KCNQ5: variants seen among roughly 807,000 people sequenced by gnomAD.
KCNQ5 encodes the protein potassium voltage-gated channel subfamily Q member 5.
Under a neutral mutation model 98.2 loss-of-function variants are expected in KCNQ5, and 30 were observed. The observed-to-expected ratio is 0.31, with a 90% CI of 0.23 to 0.41. The LOEUF is 0.41. Ranked by LOEUF, KCNQ5 falls within the 10% of genes least tolerant of loss-of-function variation. KCNQ5 has a pLI of 1.00. For missense variants in KCNQ5, 835 were observed against 1,182.5 expected (o/e 0.71, Z 4.31); for synonymous variants, 458 against 449.4 (o/e 1.02, Z -0.24).
chr6:72,846,695 G>A (rs1466899051), intron 1 of KCNQ5, among the ~76,000 whole-genome samples: 1 of 152,048 alleles, frequency 6.6e-6, no homozygotes, highest in Admixed American at 6.6e-5. Context: ...GGACTGCCCT[G>A]ACTGCTTATG....
intron 1 of KCNQ5, among the ~76,000 whole-genome samples, chr6:72,896,186 A>C (rs1252180965): frequency 2.0e-5 from 3 of 152,210 alleles, no homozygotes; most frequent in Non-Finnish European, 4.4e-5. Flanking sequence ...CTTGAAAAAT[A>C]CTTGAAAATA....
At chr6:72,835,114 A>C (rs1463510259) in intron 1 of KCNQ5, among the ~76,000 whole-genome samples, 3 of 152,064 alleles carry the variant, frequency 2.0e-5, no homozygotes, top group Non-Finnish European at 4.4e-5. Flanking sequence ...TTCTCCAGAC[A>C]CTGTAAGCAT....
chr6:72,860,896 A>G (rs1777739734), intron 1 of KCNQ5, among the ~76,000 whole-genome samples: 1 of 151,692 alleles, frequency 6.6e-6, no homozygotes, highest in South Asian at 2.1e-4. Context: ...GAATAGAGGA[A>G]GGGAAAGGAA....
chr6:72,713,197 T>G (rs1769457866), intron 1 of KCNQ5, among the ~76,000 whole-genome samples: 1 of 152,204 alleles, frequency 6.6e-6, no homozygotes, highest in Non-Finnish European at 1.5e-5. Flanking sequence ...CATCTCTGGC[T>G]GACTTTTAAG....
intron 1 of KCNQ5, among the ~76,000 whole-genome samples, chr6:72,793,565 C>A (rs1774172365): frequency 6.6e-6 from 1 of 152,160 alleles, no homozygotes; most frequent in Non-Finnish European, 1.5e-5. Context: ...GGGGAGTTGG[C>A]ATTTTGTATT....
At chr6:72,756,639 G>C (rs1193387682) in intron 1 of KCNQ5, among the ~76,000 whole-genome samples, 1 of 152,080 alleles carries the variant, frequency 6.6e-6, no homozygotes, top group Non-Finnish European at 1.5e-5. Context: ...AGAAAAAGCT[G>C]CTATAAATTT....
intron 1 of KCNQ5, among the ~76,000 whole-genome samples, chr6:72,786,131 G>T (rs1363824424): frequency 1.3e-5 from 2 of 152,120 alleles, no homozygotes; most frequent in Non-Finnish European, 2.9e-5. Context: ...AGTGAGATAT[G>T]TTATACTCTT....
intron 1 of KCNQ5, among the ~76,000 whole-genome samples, chr6:72,808,391 C>T (rs1775059748): frequency 1.3e-5 from 2 of 152,082 alleles, no homozygotes; most frequent in Non-Finnish European, 2.9e-5. Flanking sequence ...AAAGTGTCTA[C>T]ATCAACCAAA....
chr6:72,880,633 C>T (rs1778602375), intron 1 of KCNQ5, among the ~76,000 whole-genome samples: 1 of 152,172 alleles, frequency 6.6e-6, no homozygotes, highest in Non-Finnish European at 1.5e-5. Flanking sequence ...GCCTGAGAAT[C>T]TTAACCCTTT....
At chr6:72,794,727 C>T (rs1774241319) in intron 1 of KCNQ5, among the ~76,000 whole-genome samples, 1 of 151,804 alleles carries the variant, frequency 6.6e-6, no homozygotes, top group Non-Finnish European at 1.5e-5. Flanking sequence ...TTTTATTGAC[C>T]CGAATATTGC....
chr6:73,115,731 A>T (rs1242766648), intron 7 of KCNQ5, among the ~76,000 whole-genome samples: 1 of 152,250 alleles, frequency 6.6e-6, no homozygotes, highest in Non-Finnish European at 1.5e-5. Context: ...GATCTCAAAA[A>T]TTAATCTACC....
intron 1 of KCNQ5, among the ~76,000 whole-genome samples, chr6:72,818,133 A>G (rs1030051350): frequency 6.6e-6 from 1 of 152,208 alleles, no homozygotes; most frequent in Non-Finnish European, 1.5e-5. Context: ...TAGCCCTTTT[A>G]CATCATAAGA....
chr6:72,857,130 C>T (rs965841029), intron 1 of KCNQ5, among the ~76,000 whole-genome samples: 3 of 152,182 alleles, frequency 2.0e-5, no homozygotes, highest in Non-Finnish European at 4.4e-5. Context: ...GACTGCCTTT[C>T]CCAACAGAAA....
intron 2 of KCNQ5, among the ~76,000 whole-genome samples, chr6:73,013,036 A>G (rs1770156449): frequency 6.6e-6 from 1 of 152,094 alleles, no homozygotes; most frequent in African/African-American, 2.4e-5. Flanking sequence ...ACACAAGTAC[A>G]GGTGAACTGT....
rs754870865 is a variant in KCNQ5 at position 73,195,076 on chromosome 6, A to G, written c.2461A>G (p.Met821Val). Reference protein sequence around the residue: ...GGETLLSVCPMVPKDLGKSLS... With the variant: ...GGETLLSVCPVVPKDLGKSLS... ...AGAAACTCTGTTGTCTGTCTGTCCC[A>G]TGGTGCCGAAGGACTTGGGCAAATC... The change falls in exon 14 of 14, where the codon ATG becomes GTG. Residue 821 changes from methionine to valine, a missense_variant. Transcript: ENST00000370398. 15 of 1,614,220 alleles carry G rather than the reference A, an allele frequency of 9.3e-6. 1 individual carries two copies. The highest frequency in any genetic ancestry group is 1.0e-5 in the Non-Finnish European group (12 of 1,180,036).
At chr6:72,943,196 C>T (rs970474591) in intron 1 of KCNQ5, among the ~76,000 whole-genome samples, 3 of 152,178 alleles carry the variant, frequency 2.0e-5, no homozygotes, top group Admixed American at 1.3e-4. Flanking sequence ...CTTATACTGT[C>T]GCTGAAAGAT....
At position 73,055,657 on chromosome 6, in the gene KCNQ5, C is replaced by T. The variant is rs184648326; in HGVS notation, c.616+13595C>T. ...TGACTGCAGCCCATGGCAACAGCCT[C>T]TGGGGCACTGACAAGCATCTGAAGG... On this transcript the variant is annotated intron_variant, in intron 3 of 13. Transcript: ENST00000370398. 3.1e-4 allele frequency: 347 copies of T among 1,136,550 alleles called. 3 individuals are homozygous for T. The Admixed American group carries it at 5.9e-3, about 19-fold the overall frequency. The allele number at this position is 1,136,550 out of a possible 1,614,324, so 70.4% of individuals were successfully genotyped here.
At chr6:72,830,590 G>A (rs1333066947) in intron 1 of KCNQ5, among the ~76,000 whole-genome samples, 2 of 152,078 alleles carry the variant, frequency 1.3e-5, no homozygotes, top group Non-Finnish European at 2.9e-5. Context: ...AATTCAAGAT[G>A]GATTAAAGAC....
rs1055879051 is a variant in KCNQ5, at chr6:72,622,889, A to G, written c.398+302A>G. 3.3e-5 allele frequency among the ~76,000 whole-genome samples: 5 copies of G among 152,102 alleles called. No individual in the cohort carries two copies. The highest frequency in any genetic ancestry group is 1.2e-4 in the African/African-American group (5 of 41,424). The stretch of plus-strand genomic sequence containing the variant: ...TTAGGCTGCGCGGATAATTGGGAGC[A>G]ATTAGGTCCCAAGATACGTAAACTT... On this transcript the variant is annotated intron_variant, in intron 1 of 13. Coordinates refer to ENST00000370398, the MANE Select transcript of KCNQ5 (RefSeq NM_019842.4). The surrounding 1 kb of genome is among the most constrained non-coding windows in gnomAD (Gnocchi z 6.0).
Sources: allele counts gnomAD v4.1 joint callset (sites outside exome capture counted in the v4.1 genomes callset), GRCh38; gene constraint gnomAD v4.1.1; non-coding constraint Gnocchi (gnomAD v3.1); transcripts MANE v1.5; gene names NCBI Gene and HGNC (gene_info 2026-07-23, HGNC 2026-07-21).